Variants in PRKG1 observed in about 807,000 individuals in gnomAD.
PRKG1 encodes the protein protein kinase cGMP-dependent 1.
A neutral mutation model predicts 88.1 loss-of-function variants in PRKG1; 35 were observed. That is an observed-to-expected ratio of 0.40 (90% CI 0.30 to 0.53). The LOEUF is 0.53. PRKG1 is among the 20% of genes least tolerant of loss of function. The pLI, the probability that PRKG1 is intolerant of heterozygous loss-of-function variation, is 0.59. For missense variants in PRKG1, 540 were observed against 839.8 expected (o/e 0.64, Z 4.41); for synonymous variants, 303 against 292.5 (o/e 1.04, Z -0.37).
At chr10:52,247,078 T>A (rs1362245303) in intron 9 of PRKG1, among the ~76,000 whole-genome samples, 2 of 152,118 alleles carry the variant, frequency 1.3e-5, no homozygotes, top group Non-Finnish European at 2.9e-5. Flanking sequence ...TATGGCTTTA[T>A]AAGCTCCCTA....
Position 51,818,276 on chromosome 10 carries a change from A to C in PRKG1, c.698+13586A>C, listed in dbSNP as rs540182956. ...GCCTACATTAAGGATACATTGTCTC[A>C]CTGATAACAGTTCATCCAGAGAGTC... On this transcript the variant is annotated intron_variant, in intron 4 of 17. Coordinates refer to ENST00000373980, the MANE Select transcript of PRKG1 (RefSeq NM_006258.4). Among the ~76,000 whole-genome samples the C allele has an allele frequency of 8.4e-4, 128 of 152,268 alleles. 5 individuals carry two copies. In the South Asian group the frequency reaches 0.025, roughly 30 times the overall value.
intron 2 of PRKG1, among the ~76,000 whole-genome samples, chr10:51,282,694 A>G (rs567461300): frequency 1.3e-5 from 2 of 152,292 alleles, no homozygotes; most frequent in African/African-American, 2.4e-5. Context: ...ATATTTCCCA[A>G]TGGAAACAGC....
At position 51,520,780 on chromosome 10, in the gene PRKG1, G is replaced by C. The variant is rs76356664; in HGVS notation, c.592+52944G>C. Among the ~76,000 whole-genome samples the C allele has an allele frequency of 1.9e-3, 286 of 152,322 alleles. 3 individuals carry two copies. The highest frequency in any genetic ancestry group is 6.6e-3 in the African/African-American group (276 of 41,570). ...ATGAAATAGCCGGCAAAAAGAATTA[G>C]AGGGAATTGTAGAATGAATTATGTC... is the stretch of plus-strand genomic sequence containing the variant. On this transcript the variant is annotated intron_variant, in intron 3 of 17. Transcript: ENST00000373980.
intron 1 of PRKG1, among the ~76,000 whole-genome samples, chr10:50,994,021 C>G (rs552337801): frequency 3.3e-4 from 50 of 152,262 alleles, no homozygotes; most frequent in South Asian, 8.3e-4. Context: ...AGCTGGAGTA[C>G]TTTTCTACTT....
chr10:51,804,743 T>C, intron 4 of PRKG1, 53 bp downstream of exon 4: 1 of 1,270,422 alleles, frequency 7.9e-7, no homozygotes, highest in Non-Finnish European at 1.1e-6. Flanking sequence ...TTTAGCCCTA[T>C]TATCTGAAAT....
chr10:51,032,455 T>C (rs1282620537), intron 1 of PRKG1, among the ~76,000 whole-genome samples: 2 of 152,150 alleles, frequency 1.3e-5, no homozygotes, highest in African/African-American at 4.8e-5. Context: ...GTGTTCAATG[T>C]AATATACAAA....
Position 51,729,098 on chromosome 10 carries a change from ACT to A in PRKG1, c.593-75482_593-75481del, listed in dbSNP as rs539999048. ...AGGCCATCAGCAAAATGGAAAGATG[ACT>A]CTCTGTTGATTACTCTATGTTGAGA... On this transcript the variant is annotated intron_variant, in intron 3 of 17. Coordinates refer to ENST00000373980, the MANE Select transcript of PRKG1 (RefSeq NM_006258.4). 1.0e-3 allele frequency among the ~76,000 whole-genome samples: 156 copies of A among 152,194 alleles called. 1 individual carries two copies. The highest frequency in any genetic ancestry group is 3.1e-3 in the African/African-American group (130 of 41,532).
At chr10:51,691,259 G>A (rs1294661297) in intron 3 of PRKG1, among the ~76,000 whole-genome samples, 1 of 148,252 alleles carries the variant, frequency 6.7e-6, no homozygotes, top group Non-Finnish European at 1.5e-5. Flanking sequence ...GGTTGATTTT[G>A]CAGAAATACA....
chr10:52,215,808 G>C (rs1211968220), intron 9 of PRKG1, among the ~76,000 whole-genome samples: 1 of 152,142 alleles, frequency 6.6e-6, no homozygotes, highest in Non-Finnish European at 1.5e-5. Context: ...TGATAAGGTA[G>C]ATATTTACTA....
At chr10:51,102,094 A>G (rs1016628671) in intron 1 of PRKG1, among the ~76,000 whole-genome samples, 1 of 152,182 alleles carries the variant, frequency 6.6e-6, no homozygotes, top group Admixed American at 6.5e-5. Flanking sequence ...CTGAATGCAG[A>G]GTTGGGAAGA....
intron 4 of PRKG1, among the ~76,000 whole-genome samples, chr10:51,856,957 C>A (rs1830749246): frequency 7.6e-6 from 1 of 132,172 alleles, no homozygotes; most frequent in Non-Finnish European, 1.6e-5. Flanking sequence ...GAGCGAGACT[C>A]CGTCTTACTA....
At chr10:51,840,322 A>G (rs1840239236) in intron 4 of PRKG1, among the ~76,000 whole-genome samples, 1 of 151,426 alleles carries the variant, frequency 6.6e-6, no homozygotes, top group East Asian at 1.9e-4. Context: ...CTAACATTTC[A>G]TTTTTTAAAA....
At position 52,104,476 on chromosome 10, in the gene PRKG1, G is replaced by T. The variant is rs75438302; in HGVS notation, c.936-29364G>T. ...TCTGGTGAAATGACAGTTATCATTT[G>T]CTGAGGTCTTAAATTTGTTCTGAAA... On this transcript the variant is annotated intron_variant, in intron 7 of 17. Coordinates refer to ENST00000373980, the MANE Select transcript of PRKG1 (RefSeq NM_006258.4). 2.3e-3 allele frequency among the ~76,000 whole-genome samples: 352 copies of T among 151,906 alleles called. 11 individuals carry two copies. The East Asian group carries it at 0.057, about 25-fold the overall frequency.
chr10:51,438,524 T>A (rs890399228), intron 2 of PRKG1, among the ~76,000 whole-genome samples: 4 of 151,866 alleles, frequency 2.6e-5, no homozygotes, highest in African/African-American at 9.7e-5. Context: ...TTACAGAAGG[T>A]TCTTCAGTTA....
intron 1 of PRKG1, among the ~76,000 whole-genome samples, chr10:51,125,508 C>A (rs914551272): frequency 1.3e-5 from 2 of 149,954 alleles, no homozygotes; most frequent in East Asian, 1.9e-4. Context: ...CATAGTGAAA[C>A]CCTGTCTCTA....
chr10:52,137,108 C>T (rs117552759), intron 8 of PRKG1, among the ~76,000 whole-genome samples: 2,738 of 152,158 alleles, frequency 0.018, 40 homozygotes, highest in Non-Finnish European at 0.027. Context: ...GACATTAGCA[C>T]TGTCAACAAA....
chr10:51,466,293 A>G (rs1839902925), intron 2 of PRKG1, among the ~76,000 whole-genome samples: 1 of 152,136 alleles, frequency 6.6e-6, no homozygotes, highest in Non-Finnish European at 1.5e-5. Flanking sequence ...GAAGTGAACC[A>G]TGAGAAAGCT....
intron 4 of PRKG1, among the ~76,000 whole-genome samples, chr10:51,898,890 A>G (rs1841916178): frequency 6.6e-6 from 1 of 152,202 alleles, no homozygotes; most frequent in South Asian, 2.1e-4. Context: ...ACTTATAACC[A>G]TAATTGTGCA....
chr10:51,583,007 C>T (rs1483003427), intron 3 of PRKG1, among the ~76,000 whole-genome samples: 1 of 152,028 alleles, frequency 6.6e-6, no homozygotes, highest in African/African-American at 2.4e-5. Flanking sequence ...GCTGGCAAGA[C>T]TTATGTTTGT....
Sources: gnomAD v4.1 joint callset for allele counts (sites outside exome capture counted in the v4.1 genomes callset) on GRCh38, gnomAD v4.1.1 for gene constraint, MANE v1.5 for transcripts, NCBI Gene and HGNC (gene_info 2026-07-23, HGNC 2026-07-21) for gene names.